Variants in PDE3B observed in about 807,000 individuals in gnomAD.
PDE3B encodes cGMP-inhibited 3',5'-cyclic phosphodiesterase 3B.
PDE3B carries 66 observed loss-of-function variants against 116.8 expected under a neutral mutation model. The ratio of observed to expected loss-of-function variants is 0.56; its 90% CI spans 0.46 to 0.69. The LOEUF is 0.69. Among genes scored for constraint, PDE3B ranks in the 30% least tolerant of loss-of-function variants. The pLI is 0.00. For missense variants in PDE3B, 1,384 were observed against 1,368.1 expected (o/e 1.01, Z -0.18); for synonymous variants, 595 against 533.6 (o/e 1.12, Z -1.59).
chr11:14,794,228 G>A (rs1858477274), intron 4 of PDE3B, among the ~76,000 whole-genome samples: 3 of 152,136 alleles, frequency 2.0e-5, no homozygotes, highest in Non-Finnish European at 2.9e-5. Flanking sequence ...CTCCCCACCA[G>A]CAAGCAAGCG....
At chr11:14,706,593 C>G (rs1212760877) in intron 1 of PDE3B, among the ~76,000 whole-genome samples, 1 of 151,838 alleles carries the variant, frequency 6.6e-6, no homozygotes, top group African/African-American at 2.4e-5. Flanking sequence ...CCACATCTGA[C>G]CTTGGCTATT....
intron 12 of PDE3B, among the ~76,000 whole-genome samples, chr11:14,856,997 C>T (rs1555006288): frequency 6.6e-6 from 1 of 152,052 alleles, no homozygotes; most frequent in Non-Finnish European, 1.5e-5. Flanking sequence ...GATCTAAGTC[C>T]TTCTTATGTC....
At chr11:14,882,509 A>C in the PDE3B span, among the ~76,000 whole-genome samples, 1 of 152,124 alleles carries the variant, frequency 6.6e-6, no homozygotes, top group Middle Eastern at 3.2e-3. Context: ...ACTGTTTATA[A>C]AAACCCTACA....
At chr11:14,794,780 C>A (rs1180132615) in intron 4 of PDE3B, among the ~76,000 whole-genome samples, 2 of 152,178 alleles carry the variant, frequency 1.3e-5, no homozygotes, top group Admixed American at 1.3e-4. Context: ...TCCCACAGCC[C>A]CCTCCCTGGG....
intron 12 of PDE3B, among the ~76,000 whole-genome samples, chr11:14,844,615 A>G (rs1433094256): frequency 6.6e-6 from 1 of 152,214 alleles, no homozygotes; most frequent in Non-Finnish European, 1.5e-5. Context: ...CACCTGGAAA[A>G]TCAGGTCACT....
At chr11:14,661,478 C>T (rs187992562) in intron 1 of PDE3B, among the ~76,000 whole-genome samples, 19 of 152,300 alleles carry the variant, frequency 1.2e-4, no homozygotes, top group African/African-American at 3.1e-4. Flanking sequence ...TGCAGCGCAC[C>T]GTGCACGAGC....
chr11:14,762,223 C>T (rs1324212362), intron 1 of PDE3B, among the ~76,000 whole-genome samples: 1 of 151,754 alleles, frequency 6.6e-6, no homozygotes, highest in Non-Finnish European at 1.5e-5. Context: ...GGCTCAAATA[C>T]TCCTCCTGCC....
chr11:14,834,135 T>A (rs1225617236), intron 10 of PDE3B, among the ~76,000 whole-genome samples: 1 of 152,184 alleles, frequency 6.6e-6, no homozygotes, highest in African/African-American at 2.4e-5. Context: ...TAATAATAAT[T>A]AAGTTCCCAG....
chr11:14,648,913 A>G (rs1222558465), intron 1 of PDE3B, among the ~76,000 whole-genome samples: 1 of 152,182 alleles, frequency 6.6e-6, no homozygotes, highest in East Asian at 1.9e-4. Flanking sequence ...TTTAAGGAAC[A>G]AATAAGATTA....
intron 12 of PDE3B, among the ~76,000 whole-genome samples, chr11:14,852,350 C>T (rs1030657619): frequency 3.9e-5 from 6 of 152,172 alleles, no homozygotes; most frequent in African/African-American, 7.2e-5. Context: ...GCTACCATGC[C>T]GGCCTACTCT....
chr11:14,759,766 C>T (rs994871935), intron 1 of PDE3B, among the ~76,000 whole-genome samples: 1 of 152,080 alleles, frequency 6.6e-6, no homozygotes, highest in Middle Eastern at 3.4e-3. Flanking sequence ...CCCAGATGGT[C>T]TCTATCTTGT....
At chr11:14,846,099 G>T (rs1279726014) in intron 12 of PDE3B, among the ~76,000 whole-genome samples, 3 of 152,170 alleles carry the variant, frequency 2.0e-5, no homozygotes, top group African/African-American at 7.2e-5. Context: ...AGAAAGATTG[G>T]GTTACCACAA....
intron 1 of PDE3B, among the ~76,000 whole-genome samples, chr11:14,737,653 C>T (rs543773271): frequency 2.2e-4 from 33 of 152,230 alleles, no homozygotes; most frequent in Admixed American, 4.6e-4. Flanking sequence ...TTTTAGGGTA[C>T]ACATGCACAA....
At chr11:14,860,007 A>G (rs1847917553) in intron 13 of PDE3B, among the ~76,000 whole-genome samples, 1 of 152,180 alleles carries the variant, frequency 6.6e-6, no homozygotes, top group Non-Finnish European at 1.5e-5. Context: ...CCTGCAGGGT[A>G]GAGAAACTGG....
At chr11:14,888,623 C>T in the PDE3B span, among the ~76,000 whole-genome samples, 1 of 152,136 alleles carries the variant, frequency 6.6e-6, no homozygotes, top group Non-Finnish European at 1.5e-5. Context: ...AGCTTAGAAG[C>T]TCCCATGGCA....
At position 14,715,128 on chromosome 11, in the gene PDE3B, G is replaced by T. The variant is rs145744065; in HGVS notation, c.979-56809G>T. On this transcript the variant is annotated intron_variant, in intron 1 of 15. Transcript: ENST00000282096. ...TACAATTATTAAAATAATGATAAAA[G>T]AAAAAGAGCCATGTAACAAATGAAG... 1.6e-3 allele frequency among the ~76,000 whole-genome samples: 250 copies of T among 152,162 alleles called. 2 individuals carry two copies. Among genetic ancestry groups the T allele is most frequent in the Admixed American group, 0.013 (198 of 15,278 alleles).
At chr11:14,772,495 A>G (rs1376539171) in intron 2 of PDE3B, 2 of 152,352 alleles carry the variant, frequency 1.3e-5, no homozygotes, top group South Asian at 2.1e-4. Flanking sequence ...TAAACATCCC[A>G]TGTAACTGGT....
chr11:14,789,035 G>T (rs928743376), intron 3 of PDE3B, 71 bp from the exon 4 acceptor site: 1 of 1,027,122 alleles, frequency 9.7e-7, no homozygotes, highest in South Asian at 1.7e-5. Flanking sequence ...ACTTTCATGT[G>T]CCATCACTAA....
At chr11:14,712,466 GTTTTTTTTTTTTTTT>G (rs58004646) in intron 1 of PDE3B, among the ~76,000 whole-genome samples, 2 of 76,306 alleles carry the variant, frequency 2.6e-5, no homozygotes, top group African/African-American at 6.1e-5. Flanking sequence ...GTACAAGCTT[GTTTTTTTTTTTTTTT>G]TTTTTTTTTT....
Sources: allele counts gnomAD v4.1 joint callset (sites outside exome capture counted in the v4.1 genomes callset), GRCh38; gene constraint gnomAD v4.1.1; transcripts MANE v1.5; gene names NCBI Gene and HGNC (gene_info 2026-07-23, HGNC 2026-07-21).